The following RAPGEF3 variants were observed in gnomAD, a reference collection of about 807,000 sequenced individuals.
The protein encoded by RAPGEF3 is Rap guanine nucleotide exchange factor 3, also known as 9330170P05Rik.
RAPGEF3 carries 103 observed loss-of-function variants against 129.8 expected under a neutral mutation model. The ratio of observed to expected loss-of-function variants is 0.79; its 90% CI spans 0.68 to 0.93. RAPGEF3 has a LOEUF of 0.93. Ranked by LOEUF, RAPGEF3 falls within the 40% of genes least tolerant of loss-of-function variation. The pLI is 0.00. For synonymous variants in RAPGEF3, 436 were observed against 482.6 expected (o/e 0.90, Z 1.26); for missense variants, 1,117 against 1,207.4 (o/e 0.93, Z 1.11).
rs763136670 is a variant in RAPGEF3, at chr12:47,739,158, G to A, written c.2446C>T (p.Pro816Ser). The A allele has an allele frequency of 2.5e-6, 4 of 1,603,174 alleles. No homozygotes were observed. The highest frequency in any genetic ancestry group is 2.2e-5 in the South Asian group (2 of 90,124). Residue 816 changes from proline to serine, a missense_variant, in exon 24 of 28, where the codon CCC (proline) becomes TCC (serine). Around this residue, in one of 3 missense-constraint regions of RAPGEF3, gnomAD observed 643 missense variants for 673.4 expected, o/e 0.95. Coordinates refer to ENST00000449771, the MANE Select transcript of RAPGEF3 (RefSeq NM_001098531.4). The stretch of plus-strand genomic sequence containing the variant: ...GCCCTGTTACCTTTGAGAAGAAGGG[G>A]CATGAAGGGGATGACAGGAGGGGAG... ...KLSPPVIPFM[P>S]LLLKDMTFIH...
chr12:47,744,117 G>A, intron 16 of RAPGEF3, 49 bp from the exon 17 acceptor site: 2 of 1,460,184 alleles, frequency 1.4e-6, no homozygotes, highest in Non-Finnish European at 1.9e-6. Flanking sequence ...CATGAGAGGA[G>A]ACCGTGGAGG....
intron 18 of RAPGEF3, chr12:47,741,806 G>A: frequency 5.1e-6 from 3 of 590,068 alleles, no homozygotes; most frequent in Admixed American, 2.8e-5. Flanking sequence ...AAGAGGATGA[G>A]GAAAGATTCT....
Position 47,749,668 on chromosome 12 carries a change from A to G in RAPGEF3, c.894+73T>C, listed in dbSNP as rs1941631402. ...TCAGCAGCAGTAGATCAACAAAGGC[A>G]CTGCCCATGAGGACATGGACCAGGG... On this transcript the variant is annotated intron_variant, in intron 9 of 27. Transcript: ENST00000449771. The surrounding 1 kb of genome is among the most constrained non-coding windows in gnomAD (Gnocchi z 4.5). 4 of 1,595,178 alleles carry G rather than the reference A, an allele frequency of 2.5e-6. No homozygotes were observed. The African/African-American group carries it at 4.0e-5, about 16-fold the overall frequency.
intron 24 of RAPGEF3, 81 bp downstream of exon 24, chr12:47,739,062 G>A: frequency 7.9e-7 from 1 of 1,260,236 alleles, no homozygotes; most frequent in South Asian, 1.3e-5. Context: ...CATGGGATGG[G>A]GGATGGAGGC....
At position 47,741,139 on chromosome 12, in the gene RAPGEF3, G is replaced by A. The variant is rs1385063909; in HGVS notation, c.1924-99C>T. ...GGGCAAGGACTCTATGCTCGTGTTA[G>A]GAGGAGGGTTAGGAGGGCAGGAGTG... On this transcript the variant is annotated intron_variant, in intron 19 of 27. Coordinates refer to ENST00000449771, the MANE Select transcript of RAPGEF3 (RefSeq NM_001098531.4). 3.5e-6 allele frequency: 5 copies of A among 1,416,588 alleles called. No homozygotes were observed. The African/African-American group carries it at 4.2e-5, about 12-fold the overall frequency. The allele number at this position is 1,416,588 out of a possible 1,614,324, so 87.8% of individuals were successfully genotyped here. A position where few individuals can be genotyped will look rare whatever the true frequency, so the allele number is the denominator to read the frequency against.
chr12:47,745,568 C>T (rs2238144), intron 16 of RAPGEF3: 35,443 of 152,190 alleles, frequency 0.23, 4,201 homozygotes, highest in Middle Eastern at 0.3. Flanking sequence ...CCACCCTTGC[C>T]CCCTGCAGCT....
intron 16 of RAPGEF3, chr12:47,744,449 C>T (rs997421038): frequency 1.3e-5 from 3 of 227,470 alleles, no homozygotes; most frequent in East Asian, 1.2e-4. Flanking sequence ...ATTCACAATG[C>T]GCCTTTGACA....
At chr12:47,737,984 A>ACCCCCAACCAGCC in intron 27 of RAPGEF3, 38 bp downstream of exon 27, 2 of 1,540,290 alleles carry the variant, frequency 1.3e-6, no homozygotes, top group South Asian at 1.1e-5. Context: ...TACCATAAGC[A>ACCCCCAACCAGCC]CCCCCTCCCT....
intron 12 of RAPGEF3, 67 bp from the exon 13 acceptor site, chr12:47,748,219 G>A (rs1293348503): frequency 6.0e-6 from 8 of 1,323,200 alleles, no homozygotes; most frequent in Non-Finnish European, 8.4e-6. Context: ...CAGGTGTATG[G>A]ACAGCTGGAA....
chr12:47,750,082 A>C (rs780039946), intron 7 of RAPGEF3, 92 bp from the exon 8 acceptor site: 93 of 1,442,950 alleles, frequency 6.4e-5, no homozygotes, highest in Non-Finnish European at 8.5e-5. Context: ...CCAAAGACAC[A>C]AGTGCTGGGG....
intron 16 of RAPGEF3, chr12:47,746,264 A>G (rs1228486214): frequency 3.9e-6 from 1 of 255,432 alleles, no homozygotes; most frequent in Admixed American, 6.1e-5. Context: ...TGGGACACAC[A>G]GTAGGGTGGG....
intron 17 of RAPGEF3, 123 bp from the exon 18 acceptor site, chr12:47,743,799 G>A: frequency 7.0e-7 from 1 of 1,423,756 alleles, no homozygotes; most frequent in Middle Eastern, 1.9e-4. Context: ...AGGTGGGGAG[G>A]CCCTGAGCAA....
chr12:47,750,906 C>T (rs1444100120), intron 6 of RAPGEF3, 142 bp downstream of exon 6: 16 of 1,219,412 alleles, frequency 1.3e-5, no homozygotes, highest in African/African-American at 4.6e-5. Context: ...CCGTGGCAGT[C>T]AGCGCCAGGG....
chr12:47,752,981 T>C (rs1040411666), intron 2 of RAPGEF3, among the ~76,000 whole-genome samples: 2 of 152,166 alleles, frequency 1.3e-5, no homozygotes, highest in African/African-American at 2.4e-5. Context: ...TCACGACCCT[T>C]CTCTTCCTAC....
Position 47,746,847 on chromosome 12 carries a change from G to C in RAPGEF3, c.1596+13C>G. On this transcript the variant is annotated intron_variant, in intron 16 of 27. Coordinates refer to ENST00000449771, the MANE Select transcript of RAPGEF3 (RefSeq NM_001098531.4). ...GGAGGAGCAGAGGAAAGAAACTGGG[G>C]CCAGGCAGACACCTTCATCTGAGGA... 1 of 1,588,814 alleles carries C rather than the reference G, an allele frequency of 6.3e-7. No individual in the cohort carries two copies. Among genetic ancestry groups the C allele is most frequent in the Non-Finnish European group, 8.5e-7 (1 of 1,171,244 alleles).
At position 47,749,048 on chromosome 12, in the gene RAPGEF3, C is replaced by T; in HGVS notation, c.1042-117G>A. On this transcript the variant is annotated intron_variant, in intron 10 of 27. Coordinates refer to ENST00000449771, the MANE Select transcript of RAPGEF3 (RefSeq NM_001098531.4). This position sits in a 1 kb window ranked among gnomAD's most constrained non-coding sequence, Gnocchi z 4.5. ...TGAGGGTCCCACAGGGACCCACAGC[C>T]CTTCTCCCACCTCCGACTTTGGCTC... The T allele has an allele frequency of 1.2e-6, 1 of 833,810 alleles. No individual in the cohort carries two copies. Among genetic ancestry groups the T allele is most frequent in the Non-Finnish European group, 1.9e-6 (1 of 516,932 alleles). 51.7% of individuals were successfully genotyped at this position (833,810 alleles called of 1,614,324 possible). A position where few individuals can be genotyped will look rare whatever the true frequency, so the allele number is the denominator to read the frequency against.
At chr12:47,748,623 A>G (rs762036920) in intron 11 of RAPGEF3, 81 bp from the exon 12 acceptor site, 1 of 1,315,436 alleles carries the variant, frequency 7.6e-7, no homozygotes, top group South Asian at 1.2e-5. Flanking sequence ...AATCAATTAC[A>G]TCATTTTTCT....
intron 15 of RAPGEF3, 29 bp downstream of exon 15, chr12:47,747,515 A>G (rs756742370): frequency 1.2e-6 from 2 of 1,605,246 alleles, no homozygotes; most frequent in Non-Finnish European, 1.7e-6. Context: ...AGTTATGGAA[A>G]TGACAAATTA....
intron 17 of RAPGEF3, 86 bp downstream of exon 17, chr12:47,743,901 G>T (rs941641194): frequency 6.8e-7 from 1 of 1,463,984 alleles, no homozygotes. Context: ...GCACACCGAG[G>T]TCAAGAGTGA....
Sources: allele counts gnomAD v4.1 joint callset (sites outside exome capture counted in the v4.1 genomes callset), GRCh38; gene constraint gnomAD v4.1.1; regional missense constraint gnomAD v4.1.1; non-coding constraint Gnocchi (gnomAD v3.1); transcripts MANE v1.5; gene names NCBI Gene and HGNC (gene_info 2026-07-23, HGNC 2026-07-21).